LZTS1: variants seen among roughly 807,000 people sequenced by gnomAD.
LZTS1 encodes leucine zipper tumor suppressor 1.
LZTS1 carries 31 observed loss-of-function variants against 45.8 expected under a neutral mutation model. That is an observed-to-expected ratio of 0.68 (90% CI 0.51 to 0.91). The LOEUF is 0.91. LZTS1 is among the 40% of genes least tolerant of loss of function. The pLI is 0.00. For missense variants in LZTS1, 821 were observed against 788.9 expected, an observed-to-expected ratio of 1.04 and a Z score of -0.49; for synonymous variants, 359 against 357.3, an observed-to-expected ratio of 1.00 and a Z score of -0.05.
At chr8:20,256,362 T>C (rs1800100259) in intron 1 of LZTS1, among the ~76,000 whole-genome samples, 1 of 152,158 alleles carries the variant, frequency 6.6e-6, no homozygotes, top group African/African-American at 2.4e-5. Context: ...CTGGATGGCT[T>C]TAAGCAGCTG....
chr8:20,253,162 A>C lies in LZTS1; in HGVS notation c.769T>G (p.Ser257Ala), dbSNP rs1028377292. The change falls in exon 3 of 4, where the codon TCC becomes GCC. Residue 257 changes from serine to alanine, a missense_variant. Transcript: ENST00000381569. ...TCCTGGATGCTGCACTCGTCCGTGG[A>C]GATGGGGGAGCGGACACACGAGGGG... ...KGPSCVRSPISTDECSIQELE... is the reference protein window; with the variant it reads ...KGPSCVRSPIATDECSIQELE... The C allele has an allele frequency of 6.2e-7, 1 of 1,613,350 alleles. No homozygotes were observed.
intron 1 of LZTS1, among the ~76,000 whole-genome samples, chr8:20,278,115 A>AT (rs1156995649): frequency 1.1e-4 from 17 of 152,092 alleles, no homozygotes; most frequent in Non-Finnish European, 2.5e-4. Flanking sequence ...CTGAAATAAT[A>AT]ATTGGTCACA....
In LZTS1 at chr8:20,303,949, C is replaced by T. The variant is rs1317125456; in HGVS notation, c.-344G>A. 9.2e-6 allele frequency: 9 copies of T among 974,026 alleles called. No homozygotes were observed. The highest frequency in any genetic ancestry group is 1.1e-4 in the East Asian group (1 of 8,734). 60.3% of individuals were successfully genotyped at this position (974,026 alleles called of 1,614,324 possible). A position where few individuals can be genotyped will look rare whatever the true frequency, so the allele number is the denominator to read the frequency against. On this transcript the variant is annotated 5_prime_UTR_variant, in exon 1 of 4. Transcript: ENST00000381569. The stretch of plus-strand genomic sequence containing the variant: ...CCGCTGCCAACCCGCCAGCTCCAGG[C>T]GCGCCGGCCTCTGCGCGGGTCCCGG...
At chr8:20,299,726 C>T (rs993063740) in intron 1 of LZTS1, among the ~76,000 whole-genome samples, 3 of 151,800 alleles carry the variant, frequency 2.0e-5, no homozygotes, top group East Asian at 2.0e-4. Context: ...CACTTGACTG[C>T]GTCGCCTCGG....
At chr8:20,296,827 G>C (rs1800986933) in intron 1 of LZTS1, among the ~76,000 whole-genome samples, 1 of 152,148 alleles carries the variant, frequency 6.6e-6, no homozygotes, top group Admixed American at 6.5e-5. Flanking sequence ...ATCTCCATGG[G>C]GCAGCTCTTT....
At chr8:20,298,944 C>T (rs1563904252) in intron 1 of LZTS1, among the ~76,000 whole-genome samples, 3 of 152,152 alleles carry the variant, frequency 2.0e-5, no homozygotes, top group South Asian at 2.1e-4. Context: ...AGGGCTTTGC[C>T]AAATGGCAAA....
At chr8:20,279,917 G>A (rs890224863) in intron 1 of LZTS1, among the ~76,000 whole-genome samples, 1 of 151,100 alleles carries the variant, frequency 6.6e-6, no homozygotes, top group Non-Finnish European at 1.5e-5. Context: ...AGCCCAGGAG[G>A]TTGAGGCTGC....
chr8:20,288,025 C>T (rs1326646904), intron 1 of LZTS1, among the ~76,000 whole-genome samples: 1 of 152,112 alleles, frequency 6.6e-6, no homozygotes, highest in African/African-American at 2.4e-5. Context: ...TGGGGAATCC[C>T]GACTGTGGGT....
rs189526238 is a variant in LZTS1, at chr8:20,277,364, C to T, written c.-134-22049G>A. ...CGGAAAACTCATGAATAATACACCCCTTTTTTTAGCATATAATCAAGAAAT... is the reference window on the plus strand; with the variant it reads ...CGGAAAACTCATGAATAATACACCCTTTTTTTTAGCATATAATCAAGAAAT... On this transcript the variant is annotated intron_variant, in intron 1 of 3. Coordinates refer to ENST00000381569, the MANE Select transcript of LZTS1 (RefSeq NM_021020.5). Among the ~76,000 whole-genome samples the T allele has an allele frequency of 9.2e-5, 14 of 152,268 alleles. No individual in the cohort carries two copies. The East Asian group carries it at 2.5e-3, about 27-fold the overall frequency.
At chr8:20,268,977 C>T (rs1425496752) in intron 1 of LZTS1, among the ~76,000 whole-genome samples, 4 of 152,112 alleles carry the variant, frequency 2.6e-5, no homozygotes, top group Non-Finnish European at 5.9e-5. Context: ...CGTCAGCGTT[C>T]AGCTGCCGGG....
rs562666721 is a variant in LZTS1, at chr8:20,285,278, T to C, written c.-135+18462A>G. Among the ~76,000 whole-genome samples, 19 of 152,346 alleles carry C rather than the reference T, an allele frequency of 1.2e-4. No homozygotes were observed. In the South Asian group the frequency reaches 3.1e-3, roughly 25 times the overall value. On this transcript the variant is annotated intron_variant, in intron 1 of 3. Coordinates refer to ENST00000381569, the MANE Select transcript of LZTS1 (RefSeq NM_021020.5). ...TCCACACCCTGATGCCTTCCTTCAC[T>C]GGCCATATCCTTTAGGACTGAGCCT...
intron 1 of LZTS1, among the ~76,000 whole-genome samples, chr8:20,261,787 G>T (rs1370232235): frequency 6.6e-6 from 1 of 152,250 alleles, no homozygotes; most frequent in African/African-American, 2.4e-5. Flanking sequence ...TTCTGGCTGG[G>T]AAAGGAAGTG....
Position 20,255,226 on chromosome 8 carries a change from G to A in LZTS1, c.-45C>T, listed in dbSNP as rs1800068726. ...TGGGGCAGGGCCGGGCAGGGTCTTG[G>A]AAAGGCTGTGGCAGCAAGGGGCAGT... On this transcript the variant is annotated 5_prime_UTR_variant, in exon 2 of 4. Coordinates refer to ENST00000381569, the MANE Select transcript of LZTS1 (RefSeq NM_021020.5). The A allele has an allele frequency of 6.4e-7, 1 of 1,569,054 alleles. No homozygotes were observed. The highest frequency in any genetic ancestry group is 1.3e-5 in the African/African-American group (1 of 74,308).
chr8:20,282,234 A>T (rs1800707198), intron 1 of LZTS1, among the ~76,000 whole-genome samples: 1 of 152,180 alleles, frequency 6.6e-6, no homozygotes, highest in South Asian at 2.1e-4. Context: ...TAGAGACTTC[A>T]AGTTTCAGAG....
At chr8:20,300,940 C>T (rs572226169) in intron 1 of LZTS1, among the ~76,000 whole-genome samples, 2 of 151,854 alleles carry the variant, frequency 1.3e-5, no homozygotes, top group Admixed American at 1.3e-4. Context: ...ACCAGCATGA[C>T]AAAACCCCAT....
At position 20,249,189 on chromosome 8, in the gene LZTS1, G is replaced by C. The variant is rs937283962; in HGVS notation, c.*533C>G. ...CTTGCCGGGGCTGGGACAGCCCTGA[G>C]GTTTCAAAGCCAGCTTCCCCGCGGC... On this transcript the variant is annotated 3_prime_UTR_variant, in exon 4 of 4. Transcript: ENST00000381569. The C allele has an allele frequency of 2.6e-5, 4 of 154,324 alleles. No individual in the cohort carries two copies. The highest frequency in any genetic ancestry group is 9.6e-5 in the African/African-American group (4 of 41,474). The allele number at this position is 154,324 out of a possible 1,614,324, so 9.6% of individuals were successfully genotyped here.
chr8:20,274,961 C>CTGTGTGTGTGTGTG (rs34482608), intron 1 of LZTS1, among the ~76,000 whole-genome samples: 2,145 of 125,724 alleles, frequency 0.017, 44 homozygotes, highest in African/African-American at 0.043. Flanking sequence ...TGCCATGATA[C>CTGTGTGTGTGTGTG]TGTGTGTGTG....
At chr8:20,300,081 T>A (rs1801048961) in intron 1 of LZTS1, among the ~76,000 whole-genome samples, 1 of 152,052 alleles carries the variant, frequency 6.6e-6, no homozygotes, top group African/African-American at 2.4e-5. Flanking sequence ...GGGCGAGTGT[T>A]CCCTCGGACT....
At chr8:20,250,514 G>A (rs1799867099) in intron 3 of LZTS1, 151 bp from the exon 4 acceptor site, 1 of 688,644 alleles carries the variant, frequency 1.5e-6, no homozygotes, top group Admixed American at 3.1e-5. Flanking sequence ...AAAGTAAGCT[G>A]AACATTGCTG....
Sources: gnomAD v4.1 joint callset for allele counts (sites outside exome capture counted in the v4.1 genomes callset) on GRCh38, gnomAD v4.1.1 for gene constraint, MANE v1.5 for transcripts, NCBI Gene and HGNC (gene_info 2026-07-23, HGNC 2026-07-21) for gene names.